The following ARL15 variants were observed in gnomAD, a reference collection of about 807,000 sequenced individuals.
The protein encoded by ARL15 is ADP-ribosylation factor-like protein 15.
A neutral mutation model predicts 25.2 loss-of-function variants in ARL15; 19 were observed. That is an observed-to-expected ratio of 0.75 (90% CI 0.53 to 1.10). The LOEUF is 1.10. ARL15 is among the 50% of genes least tolerant of loss of function. The probability of loss-of-function intolerance (pLI) is 0.00; values close to 1 mark genes in which losing one functional copy is unlikely to be tolerated. For synonymous variants in ARL15, 94 were observed against 86.8 expected, an observed-to-expected ratio of 1.08 and a Z score of -0.46; for missense variants, 220 against 246.0, an observed-to-expected ratio of 0.89 and a Z score of 0.71.
intron 2 of ARL15, among the ~76,000 whole-genome samples, chr5:54,162,244 A>C (rs569277004): frequency 6.6e-6 from 1 of 152,134 alleles, no homozygotes; most frequent in East Asian, 1.9e-4. Flanking sequence ...CTTTCACTAT[A>C]ATGAACACAC....
chr5:54,283,282 C>A (rs1314424520), intron 1 of ARL15, among the ~76,000 whole-genome samples: 1 of 152,106 alleles, frequency 6.6e-6, no homozygotes, highest in Non-Finnish European at 1.5e-5. Flanking sequence ...CCACAAGAAA[C>A]TGAATTCTGT....
At chr5:54,068,914 T>A (rs185651791) in intron 4 of ARL15, among the ~76,000 whole-genome samples, 1 of 152,328 alleles carries the variant, frequency 6.6e-6, no homozygotes, top group African/African-American at 2.4e-5. Flanking sequence ...TTAGGTAACT[T>A]AATAATGCCA....
At chr5:53,923,374 G>A (rs1167686739) in intron 4 of ARL15, among the ~76,000 whole-genome samples, 1 of 152,166 alleles carries the variant, frequency 6.6e-6, no homozygotes, top group Non-Finnish European at 1.5e-5. Context: ...AGAAGGGCAG[G>A]CTGTTCCCTG....
intron 1 of ARL15, among the ~76,000 whole-genome samples, chr5:54,243,526 G>A (rs1234739889): frequency 1.3e-5 from 2 of 152,174 alleles, no homozygotes; most frequent in African/African-American, 4.8e-5. Flanking sequence ...AGAAACACAT[G>A]TATGTGGTGA....
intron 1 of ARL15, among the ~76,000 whole-genome samples, chr5:54,266,390 A>G (rs538690204): frequency 6.6e-6 from 1 of 152,348 alleles, no homozygotes; most frequent in African/African-American, 2.4e-5. Context: ...GTAGAGAAAA[A>G]TCACAAAGTA....
At chr5:53,895,240 C>G (rs72763119) in intron 4 of ARL15, among the ~76,000 whole-genome samples, 13,061 of 152,252 alleles carry the variant, frequency 0.086, 699 homozygotes, top group Non-Finnish European at 0.13. Context: ...CTTCCTCTCC[C>G]CTGCTTTAGT....
At chr5:54,062,864 C>T (rs1751110585) in intron 4 of ARL15, among the ~76,000 whole-genome samples, 1 of 152,096 alleles carries the variant, frequency 6.6e-6, no homozygotes, top group Non-Finnish European at 1.5e-5. Context: ...AAAGAAACAG[C>T]AAGGAAATAA....
At chr5:53,999,855 A>AGTGAGCCAAGATCACGCCT (rs1748798404) in intron 4 of ARL15, among the ~76,000 whole-genome samples, 1 of 152,048 alleles carries the variant, frequency 6.6e-6, no homozygotes, top group African/African-American at 2.4e-5. Context: ...AGATCACGCC[A>AGTGAGCCAAGATCACGCCT]TTGCACTCCA....
At chr5:54,299,325 C>T (rs537806437) in intron 1 of ARL15, among the ~76,000 whole-genome samples, 3 of 152,160 alleles carry the variant, frequency 2.0e-5, no homozygotes, top group Non-Finnish European at 4.4e-5. Context: ...ACAACTGAAC[C>T]CTCATGCATG....
intron 4 of ARL15, among the ~76,000 whole-genome samples, chr5:53,947,128 C>T (rs951266328): frequency 6.7e-6 from 1 of 148,394 alleles, no homozygotes; most frequent in Non-Finnish European, 1.5e-5. Flanking sequence ...GTATCTTAAA[C>T]AGTAAACAAA....
chr5:54,021,914 AAAG>A (rs141313773), intron 4 of ARL15, among the ~76,000 whole-genome samples: 1,644 of 152,308 alleles, frequency 0.011, 36 homozygotes, highest in African/African-American at 0.037. Context: ...CACCTCACCT[AAAG>A]AAGAATAAAA....
chr5:54,018,509 C>T (rs1220457577), intron 4 of ARL15, among the ~76,000 whole-genome samples: 2 of 152,190 alleles, frequency 1.3e-5, no homozygotes, highest in African/African-American at 4.8e-5. Context: ...CGTCAAAGAC[C>T]TTCTGCCCAA....
At chr5:54,279,853 C>T (rs978443448) in intron 1 of ARL15, among the ~76,000 whole-genome samples, 16 of 152,310 alleles carry the variant, frequency 1.1e-4, no homozygotes, top group African/African-American at 3.6e-4. Flanking sequence ...ATTGTGCTGG[C>T]TTACTGCAGC....
intron 4 of ARL15, among the ~76,000 whole-genome samples, chr5:54,102,302 A>G (rs1036231665): frequency 1.3e-5 from 2 of 152,292 alleles, no homozygotes; most frequent in Admixed American, 6.5e-5. Context: ...GTGAGTCACC[A>G]TGTCTGGCCT....
At chr5:54,038,815 C>T (rs1416114044) in intron 4 of ARL15, among the ~76,000 whole-genome samples, 2 of 151,984 alleles carry the variant, frequency 1.3e-5, no homozygotes, top group Non-Finnish European at 2.9e-5. Context: ...ATCATCATTG[C>T]CATATATTCA....
At chr5:53,887,964 T>C (rs1053737767) in intron 4 of ARL15, among the ~76,000 whole-genome samples, 4 of 152,166 alleles carry the variant, frequency 2.6e-5, no homozygotes, top group Non-Finnish European at 4.4e-5. Flanking sequence ...TATATCTATA[T>C]ATAAGAAATA....
intron 4 of ARL15, among the ~76,000 whole-genome samples, chr5:54,033,436 G>A (rs766530185): frequency 3.5e-4 from 53 of 152,238 alleles, no homozygotes; most frequent in African/African-American, 9.1e-4. Context: ...TTGGGAGGCC[G>A]AGGCGGGTGG....
intron 1 of ARL15, among the ~76,000 whole-genome samples, chr5:54,197,905 T>G (rs1755598973): frequency 6.6e-6 from 1 of 152,132 alleles, no homozygotes; most frequent in Non-Finnish European, 1.5e-5. Context: ...AATAAAATAC[T>G]GGCAAACCGA....
rs538927819 is a variant in ARL15, at chr5:53,888,383, C to T, written c.463-1670G>A. On this transcript the variant is annotated intron_variant, in intron 4 of 4. Coordinates refer to ENST00000504924, the MANE Select transcript of ARL15 (RefSeq NM_019087.3). ...GCAGCCTTGACGTCCCAGGCTTGGG[C>T]GATCCTCCCACCTTAGCCTCCTCAG... 3.3e-5 allele frequency among the ~76,000 whole-genome samples: 5 copies of T among 152,142 alleles called. No individual in the cohort carries two copies. The East Asian group carries it at 7.8e-4, about 24-fold the overall frequency.
Sources: allele counts gnomAD v4.1 joint callset (sites outside exome capture counted in the v4.1 genomes callset), GRCh38; gene constraint gnomAD v4.1.1; transcripts MANE v1.5; gene names NCBI Gene and HGNC (gene_info 2026-07-23, HGNC 2026-07-21).